Variants in NEGR1 observed in about 807,000 individuals in gnomAD.
NEGR1 encodes neuronal growth regulator 1.
A neutral mutation model predicts 40.9 loss-of-function variants in NEGR1; 10 were observed. The observed-to-expected ratio is 0.24, with a 90% CI of 0.15 to 0.42. NEGR1 has a LOEUF of 0.42. NEGR1 is among the 10% of genes least tolerant of loss of function. The pLI, the probability that NEGR1 is intolerant of heterozygous loss-of-function variation, is 1.00. For missense variants in NEGR1, 352 were observed against 438.9 expected (o/e 0.80, Z 1.77); for synonymous variants, 185 against 166.8 (o/e 1.11, Z -0.84).
chr1:72,197,722 G>C (rs7529364), intron 1 of NEGR1, among the ~76,000 whole-genome samples: 27,798 of 151,884 alleles, frequency 0.18, 3,170 homozygotes, highest in South Asian at 0.26. Context: ...AAAGCATTTA[G>C]ATTCCCAACC....
intron 1 of NEGR1, among the ~76,000 whole-genome samples, chr1:72,223,811 G>A (rs1005891589): frequency 6.6e-6 from 1 of 152,010 alleles, no homozygotes; most frequent in Non-Finnish European, 1.5e-5. Flanking sequence ...TATGTATTCA[G>A]TATTTATATT....
At chr1:71,797,157 C>G (rs568169887) in intron 2 of NEGR1, among the ~76,000 whole-genome samples, 11 of 152,236 alleles carry the variant, frequency 7.2e-5, no homozygotes. Context: ...GTGCTACATA[C>G]TTTATATCCA....
intron 4 of NEGR1, among the ~76,000 whole-genome samples, chr1:71,639,723 T>C (rs888318550): frequency 1.3e-5 from 2 of 152,054 alleles, no homozygotes; most frequent in Non-Finnish European, 2.9e-5. Context: ...TAATGTGGTA[T>C]AGGCCCAACA....
At chr1:72,194,595 C>T (rs1246371106) in intron 1 of NEGR1, among the ~76,000 whole-genome samples, 3 of 151,972 alleles carry the variant, frequency 2.0e-5, no homozygotes, top group Non-Finnish European at 4.4e-5. Flanking sequence ...AGCTCCTTAA[C>T]CTCACAGTAA....
At chr1:72,224,360 G>A (rs1405290820) in intron 1 of NEGR1, among the ~76,000 whole-genome samples, 1 of 151,640 alleles carries the variant, frequency 6.6e-6, no homozygotes, top group Non-Finnish European at 1.5e-5. Context: ...GATGTGATGA[G>A]GGGAGATAGG....
At chr1:71,777,378 T>C (rs142582592) in intron 2 of NEGR1, among the ~76,000 whole-genome samples, 7 of 152,272 alleles carry the variant, frequency 4.6e-5, no homozygotes, top group African/African-American at 1.7e-4. Context: ...TATTAGATGC[T>C]ATTAAACACA....
intron 2 of NEGR1, among the ~76,000 whole-genome samples, chr1:71,848,986 C>A (rs768319476): frequency 6.6e-6 from 1 of 151,670 alleles, no homozygotes; most frequent in Non-Finnish European, 1.5e-5. Context: ...GCTACGCAGG[C>A]GGCTGAGGCA....
chr1:71,717,454 A>T (rs1654314750), intron 3 of NEGR1, among the ~76,000 whole-genome samples: 1 of 152,158 alleles, frequency 6.6e-6, no homozygotes, highest in African/African-American at 2.4e-5. Context: ...CTTGTGAAAC[A>T]GCCCAGTGCC....
At chr1:72,084,907 C>T (rs1458672895) in intron 1 of NEGR1, among the ~76,000 whole-genome samples, 3 of 152,024 alleles carry the variant, frequency 2.0e-5, no homozygotes, top group African/African-American at 7.2e-5. Context: ...ATGATGGAAA[C>T]GATTATAAAA....
At chr1:71,424,866 G>C (rs1258650267) in intron 6 of NEGR1, among the ~76,000 whole-genome samples, 1 of 152,134 alleles carries the variant, frequency 6.6e-6, no homozygotes, top group African/African-American at 2.4e-5. Context: ...CTACAGATAA[G>C]AACCCAGCTG....
At chr1:71,855,175 T>C (rs1337371486) in intron 2 of NEGR1, among the ~76,000 whole-genome samples, 1 of 152,132 alleles carries the variant, frequency 6.6e-6, no homozygotes, top group Non-Finnish European at 1.5e-5. Context: ...TAGAAAAATC[T>C]AACTCTGTTG....
At chr1:71,986,713 T>C (rs557440526) in intron 1 of NEGR1, among the ~76,000 whole-genome samples, 1 of 152,198 alleles carries the variant, frequency 6.6e-6, no homozygotes, top group Non-Finnish European at 1.5e-5. Flanking sequence ...GGTAGACCTT[T>C]CCCTGATATC....
chr1:72,208,847 T>A (rs1653498865), intron 1 of NEGR1, among the ~76,000 whole-genome samples: 1 of 151,692 alleles, frequency 6.6e-6, no homozygotes. Context: ...TTGGTACTTT[T>A]GATTACAGAC....
chr1:71,616,922 G>T (rs922708912), intron 4 of NEGR1, among the ~76,000 whole-genome samples: 3 of 152,148 alleles, frequency 2.0e-5, no homozygotes, highest in Admixed American at 1.3e-4. Flanking sequence ...TTTGTAACAG[G>T]TGATTCACAT....
intron 2 of NEGR1, among the ~76,000 whole-genome samples, chr1:71,860,529 G>C (rs1240299622): frequency 6.6e-6 from 1 of 151,882 alleles, no homozygotes; most frequent in Non-Finnish European, 1.5e-5. Context: ...CAACTCCAAA[G>C]TCTAATAAAA....
intron 3 of NEGR1, among the ~76,000 whole-genome samples, chr1:71,723,989 A>G (rs571256492): frequency 1.5e-4 from 23 of 152,238 alleles, no homozygotes; most frequent in African/African-American, 5.3e-4. Flanking sequence ...GAGGGAAAAA[A>G]AAAGTCCTCT....
intron 2 of NEGR1, among the ~76,000 whole-genome samples, chr1:71,812,072 A>G (rs906976291): frequency 1.1e-4 from 16 of 151,750 alleles, no homozygotes; most frequent in Admixed American, 1.3e-4. Context: ...AACAGGCCAC[A>G]GTGTGTGTTG....
At chr1:71,444,916 A>G (rs1646570894) in intron 6 of NEGR1, among the ~76,000 whole-genome samples, 1 of 152,204 alleles carries the variant, frequency 6.6e-6, no homozygotes, top group African/African-American at 2.4e-5. Flanking sequence ...AGCAACTACT[A>G]TGTGCCAAGC....
At chr1:71,913,855 G>GAAAA (rs10642966) in intron 2 of NEGR1, among the ~76,000 whole-genome samples, 11 of 128,618 alleles carry the variant, frequency 8.6e-5, no homozygotes, top group East Asian at 4.3e-4. Flanking sequence ...TGAAGGAAAG[G>GAAAA]AAAAAAAAAA....
Sources: gnomAD v4.1 joint callset for allele counts (sites outside exome capture counted in the v4.1 genomes callset) on GRCh38, gnomAD v4.1.1 for gene constraint, MANE v1.5 for transcripts, NCBI Gene and HGNC (gene_info 2026-07-23, HGNC 2026-07-21) for gene names.